Variants in CKMT2 observed in about 807,000 individuals in gnomAD.
The protein encoded by CKMT2 is creatine kinase S-type, mitochondrial.
CKMT2 carries 43 observed loss-of-function variants against 48.9 expected under a neutral mutation model. That is an observed-to-expected ratio of 0.88 (90% CI 0.69 to 1.13). The LOEUF (loss-of-function observed/expected upper bound fraction) is 1.13. Among genes scored for constraint, CKMT2 ranks in the 50% most tolerant of loss-of-function variants. CKMT2 has a pLI of 0.00. For missense variants in CKMT2, 472 were observed against 555.4 expected, an observed-to-expected ratio of 0.85 and a Z score of 1.51; for synonymous variants, 206 against 213.0, an observed-to-expected ratio of 0.97 and a Z score of 0.29.
At chr5:81,236,988 A>C (rs1756264043) in intron 1 of CKMT2, among the ~76,000 whole-genome samples, 1 of 151,984 alleles carries the variant, frequency 6.6e-6, no homozygotes, top group South Asian at 2.1e-4. Flanking sequence ...CATCTCTACT[A>C]AAAGTACAAA....
At chr5:81,254,844 C>T (rs1009756691) in intron 4 of CKMT2, 149 bp from the exon 5 acceptor site, 21 of 691,882 alleles carry the variant, frequency 3.0e-5, no homozygotes, top group South Asian at 6.6e-5. Context: ...CCAAGACTTC[C>T]GGAATGTGTC....
intron 8 of CKMT2, among the ~76,000 whole-genome samples, chr5:81,262,235 A>C (rs1324681654): frequency 6.6e-6 from 1 of 152,258 alleles, no homozygotes; most frequent in Non-Finnish European, 1.5e-5. Context: ...AAACCATAAA[A>C]ACCCTAGAAG....
Position 81,263,576 on chromosome 5 carries a change from T to C in CKMT2, c.1100T>C (p.Val367Ala). The C allele has an allele frequency of 6.2e-7, 1 of 1,612,782 alleles. No individual in the cohort carries two copies. The highest frequency in any genetic ancestry group is 8.5e-7 in the Non-Finnish European group (1 of 1,179,232). Residue 367 changes from valine to alanine, a missense_variant, in exon 9 of 10, where the codon GTG (valine) becomes GCG (alanine). Coordinates refer to ENST00000254035, the MANE Select transcript of CKMT2 (RefSeq NM_001099735.2). ...GGVDTAAVAD[V>A]YDISNIDRIG... The stretch of plus-strand genomic sequence containing the variant: ...GTGGACACTGCCGCGGTCGCAGATG[T>C]GTACGACATTTCCAACATAGATAGA...
At chr5:81,255,303 C>T (rs1235517570) in intron 5 of CKMT2, 89 bp downstream of exon 5, 1 of 1,180,846 alleles carries the variant, frequency 8.5e-7, no homozygotes, top group Non-Finnish European at 1.2e-6. Flanking sequence ...CTGCTCAGTC[C>T]TTACCCTAGC....
At chr5:81,259,888 A>C (rs114186475) in intron 8 of CKMT2, among the ~76,000 whole-genome samples, 2,199 of 152,318 alleles carry the variant, frequency 0.014, 48 homozygotes, top group African/African-American at 0.05. Flanking sequence ...ACATCTATAG[A>C]ACTATCCACC....
At chr5:81,241,162 T>C (rs1295886655) in intron 1 of CKMT2, among the ~76,000 whole-genome samples, 1 of 152,182 alleles carries the variant, frequency 6.6e-6, no homozygotes, top group Non-Finnish European at 1.5e-5. Flanking sequence ...TGCGTGGAAT[T>C]CCCAGTGATT....
chr5:81,260,405 C>CAAA (rs561008444), intron 8 of CKMT2, among the ~76,000 whole-genome samples: 6 of 152,102 alleles, frequency 3.9e-5, no homozygotes, highest in African/African-American at 1.4e-4. Flanking sequence ...CACAAAGACA[C>CAAA]AAAAAAACCT....
intron 7 of CKMT2, chr5:81,258,062 C>A: frequency 2.4e-6 from 1 of 422,300 alleles, no homozygotes. Context: ...CCACACCTGG[C>A]TAATTTTTGT....
At chr5:81,246,546 A>C (rs1048592754) in intron 1 of CKMT2, among the ~76,000 whole-genome samples, 4 of 152,136 alleles carry the variant, frequency 2.6e-5, no homozygotes, top group Non-Finnish European at 5.9e-5. Context: ...GCCACAAATG[A>C]ATTAGAAGCC....
chr5:81,246,760 G>T (rs1401371782), intron 1 of CKMT2: 1 of 152,338 alleles, frequency 6.6e-6, no homozygotes, highest in Admixed American at 6.5e-5. Context: ...TGGAAAACAG[G>T]GCCAATTAGA....
intron 9 of CKMT2, among the ~76,000 whole-genome samples, chr5:81,264,936 A>G (rs1039455308): frequency 2.6e-5 from 4 of 152,160 alleles, no homozygotes; most frequent in African/African-American, 9.7e-5. Context: ...TTTCCAATGC[A>G]TTATATCATG....
intron 1 of CKMT2, among the ~76,000 whole-genome samples, chr5:81,239,560 T>C (rs1325366801): frequency 1.3e-5 from 2 of 152,174 alleles, no homozygotes; most frequent in Non-Finnish European, 2.9e-5. Context: ...CAGGGGTCTA[T>C]TCATCGTTTC....
chr5:81,259,479 T>G, intron 8 of CKMT2: 6 of 365,208 alleles, frequency 1.6e-5, no homozygotes, highest in Non-Finnish European at 4.9e-6. Context: ...ATAAGGCCTT[T>G]ACATTTTTCC....
chr5:81,256,499 A>C (rs1177995636), intron 5 of CKMT2, among the ~76,000 whole-genome samples: 1 of 152,230 alleles, frequency 6.6e-6, no homozygotes, highest in Non-Finnish European at 1.5e-5. Flanking sequence ...TGAAGCAATA[A>C]TGCTAGAAAC....
rs767947115 is a variant in CKMT2, at chr5:81,254,419, C to G, written c.375C>G (p.Pro125=). ...SYEVFADLFD[P]VIKLRHNGYD... ...AGGTGTTTGCTGACCTTTTTGACCC[C>G]GTCATCAAACTAAGACACAACGGCT... The change falls in exon 4 of 10, where the codon CCC becomes CCG. Residue 125 remains proline (P), a synonymous_variant. Coordinates refer to ENST00000254035, the MANE Select transcript of CKMT2 (RefSeq NM_001099735.2). 6.2e-7 allele frequency: 1 copy of G among 1,614,076 alleles called. No homozygotes were observed. The highest frequency in any genetic ancestry group is 1.1e-5 in the South Asian group (1 of 91,074).
chr5:81,233,355 A>G lies in CKMT2; in HGVS notation c.-43A>G, dbSNP rs1470147811. 3.0e-6 allele frequency: 3 copies of G among 985,708 alleles called. No individual in the cohort carries two copies. The African/African-American group carries it at 5.2e-5, about 17-fold the overall frequency. The allele number at this position is 985,708 out of a possible 1,614,324, so 61.1% of individuals were successfully genotyped here. On this transcript the variant is annotated 5_prime_UTR_variant, in exon 1 of 10. Transcript: ENST00000254035. ...TTCTTGGCTGTGTGCGCTCAGCAGG[A>G]CGTGGGAGGCTCCGGCTTCAAGGTC... is the stretch of plus-strand genomic sequence containing the variant.
intron 1 of CKMT2, among the ~76,000 whole-genome samples, chr5:81,243,665 CTG>C (rs746729088): frequency 2.8e-4 from 43 of 151,942 alleles, no homozygotes; most frequent in Non-Finnish European, 6.2e-4. Flanking sequence ...TGTGCAAGAA[CTG>C]TGTGAGCTTT....
intron 4 of CKMT2, chr5:81,254,785 C>T (rs1464287289): frequency 6.6e-6 from 4 of 605,974 alleles, no homozygotes; most frequent in African/African-American, 5.6e-5. Context: ...GGACCCCAGA[C>T]CACGCTATAT....
chr5:81,242,453 A>G, intron 1 of CKMT2: 1 of 514,404 alleles, frequency 1.9e-6, no homozygotes. Flanking sequence ...TGTCAATTTT[A>G]CAGAGGTCGC....
Sources: gnomAD v4.1 joint callset for allele counts (sites outside exome capture counted in the v4.1 genomes callset) on GRCh38, gnomAD v4.1.1 for gene constraint, MANE v1.5 for transcripts, NCBI Gene and HGNC (gene_info 2026-07-23, HGNC 2026-07-21) for gene names.